Variants in STYXL2 observed in about 807,000 individuals in gnomAD.
STYXL2 encodes the protein serine/threonine/tyrosine-interacting-like protein 2.
STYXL2 carries 44 observed loss-of-function variants against 52.4 expected under a neutral mutation model. The ratio of observed to expected loss-of-function variants is 0.84; its 90% CI spans 0.66 to 1.08. The LOEUF (loss-of-function observed/expected upper bound fraction) is 1.08. STYXL2 is among the 50% of genes least tolerant of loss of function. The probability of loss-of-function intolerance (pLI) is 0.00; values close to 1 mark genes in which losing one functional copy is unlikely to be tolerated. For missense variants in STYXL2, 1,604 were observed against 1,471.7 expected, an observed-to-expected ratio of 1.09 and a Z score of -1.47; for synonymous variants, 604 against 586.9, an observed-to-expected ratio of 1.03 and a Z score of -0.42.
rs1668011859 is a variant in STYXL2 at position 167,127,954 on chromosome 1, C to T, written c.2823C>T (p.Gly941=). Residue 941 remains glycine (G), a synonymous_variant, in exon 6 of 6, where the codon GGC becomes GGT. Coordinates refer to ENST00000361200, the MANE Select transcript of STYXL2 (RefSeq NM_001080426.3). ...MDSSINKWLS[G]LRTEEKPPFQ... is the part of the protein sequence containing the mutation. ...GCAGTATTAATAAGTGGCTCAGTGG[C>T]CTCAGGACGGAGGAAAAACCTCCTT... 2 of 1,614,012 alleles carry T rather than the reference C, an allele frequency of 1.2e-6. No homozygotes were observed. Among genetic ancestry groups the T allele is most frequent in the African/African-American group, 1.3e-5 (1 of 74,902 alleles).
intron 5 of STYXL2, among the ~76,000 whole-genome samples, chr1:167,122,211 C>T (rs1343085475): frequency 2.4e-4 from 36 of 151,884 alleles, no homozygotes; most frequent in Middle Eastern, 3.2e-3. Flanking sequence ...CCTTCACAAG[C>T]AGCAAAGGCA....
chr1:167,105,288 TG>T (rs1270339478), intron 2 of STYXL2, among the ~76,000 whole-genome samples: 1 of 152,232 alleles, frequency 6.6e-6, no homozygotes, highest in Admixed American at 6.5e-5. Context: ...TAAAGCAAGC[TG>T]CACCACTCTC....
At position 167,128,111 on chromosome 1, in the gene STYXL2, C is replaced by T. The variant is rs1180494141; in HGVS notation, c.2980C>T (p.His994Tyr). Residue 994 changes from histidine to tyrosine, a missense_variant, in exon 6 of 6, where the codon CAC becomes TAC. By Grantham distance (83) the His-to-Tyr change is moderately conservative (BLOSUM62 2). Transcript: ENST00000361200. ...QSEEQDTSSY[H>Y]EANGNSVRST... ...AGAGGAACAGGACACCTCCTCCTAC[C>T]ACGAGGCAAATGGCAACTCTGTAAG... 3.1e-6 allele frequency: 5 copies of T among 1,614,206 alleles called. No homozygotes were observed. In the South Asian group the frequency reaches 5.5e-5, roughly 18 times the overall value.
At chr1:167,099,670 C>T (rs1667362012) in intron 2 of STYXL2, among the ~76,000 whole-genome samples, 1 of 152,170 alleles carries the variant, frequency 6.6e-6, no homozygotes, top group African/African-American at 2.4e-5. Context: ...CTATTCATTG[C>T]TGGTGAGAGT....
intron 2 of STYXL2, among the ~76,000 whole-genome samples, chr1:167,107,178 C>T (rs141036840): frequency 2.2e-4 from 34 of 152,206 alleles, no homozygotes; most frequent in Non-Finnish European, 3.4e-4. Context: ...TGGGGGTAGT[C>T]GGACTTCTTA....
Position 167,127,108 on chromosome 1 carries a change from G to C in STYXL2, c.1977G>C (p.Leu659=). The change falls in exon 6 of 6, where the codon CTG becomes CTC. Residue 659 remains leucine (L), a synonymous_variant. Coordinates refer to ENST00000361200, the MANE Select transcript of STYXL2 (RefSeq NM_001080426.3). ...DSSTASGSIP[L]SAFWSADPSV... is the part of the protein sequence containing the mutation. ...CCACGGCCAGCGGGAGCATTCCCCT[G>C]TCTGCGTTCTGGTCTGCAGACCCCT... 1 of 1,613,992 alleles carries C rather than the reference G, an allele frequency of 6.2e-7. No individual in the cohort carries two copies. Among genetic ancestry groups the C allele is most frequent in the African/African-American group, 1.3e-5 (1 of 75,042 alleles).
intron 3 of STYXL2, among the ~76,000 whole-genome samples, chr1:167,115,617 G>A (rs577982830): frequency 2.6e-5 from 4 of 152,292 alleles, no homozygotes; most frequent in African/African-American, 9.6e-5. Context: ...CTTTTTATAT[G>A]TAGTAAGGGA....
At chr1:167,124,927 C>G (rs1169132503) in intron 5 of STYXL2, among the ~76,000 whole-genome samples, 2 of 145,854 alleles carry the variant, frequency 1.4e-5, no homozygotes, top group Non-Finnish European at 3.0e-5. Context: ...TATCTTGCTC[C>G]ATCCTGAGTA....
rs1667864779 is a variant in STYXL2 at position 167,121,918 on chromosome 1, A to AGAGTTC, written c.655+2454_655+2459dup. On this transcript the variant is annotated intron_variant, in intron 5 of 5. Transcript: ENST00000361200. ...GTGGGTCCTTCCTACTCCACTACAG[A>AGAGTTC]GAGTTCGTGGCATCCCTAGAATTAC... 3.3e-5 allele frequency among the ~76,000 whole-genome samples: 5 copies of AGAGTTC among 152,110 alleles called. No individual in the cohort carries two copies. In the South Asian group the frequency reaches 1.0e-3, roughly 32 times the overall value.
intron 2 of STYXL2, among the ~76,000 whole-genome samples, chr1:167,102,772 G>A (rs1667427975): frequency 6.6e-6 from 1 of 152,162 alleles, no homozygotes; most frequent in Non-Finnish European, 1.5e-5. Flanking sequence ...ATAAGTGCCT[G>A]AAATTCCATC....
rs746033132 is a variant in STYXL2 at position 167,126,030 on chromosome 1, G to A, written c.899G>A (p.Gly300Asp). 5.0e-6 allele frequency: 8 copies of A among 1,593,408 alleles called. No homozygotes were observed. In the African/African-American group the frequency reaches 8.1e-5, roughly 16 times the overall value. Reference protein sequence around the residue: ...GGSAEAEEGEGTGSMLGARVH... With the variant: ...GGSAEAEEGEDTGSMLGARVH... ...TCAGCTGAGGCTGAGGAGGGCGAGG[G>A]CACTGGGAGCATGCTCGGGGCCAGA... Residue 300 changes from glycine to aspartate, a missense_variant, in exon 6 of 6, where the codon GGC becomes GAC. By Grantham distance (94) the Gly-to-Asp change is moderately conservative (BLOSUM62 -1). Transcript: ENST00000361200.
intron 2 of STYXL2, among the ~76,000 whole-genome samples, chr1:167,105,323 C>G (rs1334495850): frequency 6.6e-6 from 1 of 152,234 alleles, no homozygotes; most frequent in East Asian, 1.9e-4. Flanking sequence ...GGAAGTCCAT[C>G]AAACTCCCCT....
rs77478207 is a variant in STYXL2 at position 167,107,908 on chromosome 1, A to T, written c.111-5802A>T. ...GAAGGGACGATTGAACTAAAATCTGAAAAATGAGGGAAGCAGGAGAGGACT... is the reference window on the plus strand; with the variant it reads ...GAAGGGACGATTGAACTAAAATCTGTAAAATGAGGGAAGCAGGAGAGGACT... On this transcript the variant is annotated intron_variant, in intron 2 of 5. Coordinates refer to ENST00000361200, the MANE Select transcript of STYXL2 (RefSeq NM_001080426.3). 8.2e-3 allele frequency among the ~76,000 whole-genome samples: 1,249 copies of T among 152,318 alleles called. 6 individuals are homozygous for T. Among genetic ancestry groups the T allele is most frequent in the Middle Eastern group, 0.017 (5 of 294 alleles).
chr1:167,095,905 G>T (rs1269008695), intron 2 of STYXL2, among the ~76,000 whole-genome samples: 1 of 152,084 alleles, frequency 6.6e-6, no homozygotes, highest in Non-Finnish European at 1.5e-5. Flanking sequence ...GTGTCAAAAG[G>T]CTTCCCCAGT....
chr1:167,125,999 G>A lies in STYXL2; in HGVS notation c.868G>A (p.Gly290Arg), dbSNP rs757112515. 3.1e-6 allele frequency: 5 copies of A among 1,610,846 alleles called. No individual in the cohort carries two copies. In the South Asian group the frequency reaches 5.5e-5, roughly 18 times the overall value. Residue 290 changes from glycine to arginine, a missense_variant, in exon 6 of 6, where the codon GGG (glycine) becomes AGG (arginine). Gly to Arg is a moderately radical substitution (Grantham distance 125). Coordinates refer to ENST00000361200, the MANE Select transcript of STYXL2 (RefSeq NM_001080426.3). Reference protein sequence around the residue: ...EEREEDYGREGGSAEAEEGEG... With the variant: ...EEREEDYGRERGSAEAEEGEG... ...GAGAGAAGAGGACTATGGCCGGGAGGGGGGATCAGCTGAGGCTGAGGAGGG... is the reference window on the plus strand; with the variant it reads ...GAGAGAAGAGGACTATGGCCGGGAGAGGGGATCAGCTGAGGCTGAGGAGGG...
At chr1:167,101,193 A>G (rs1667396029) in intron 2 of STYXL2, among the ~76,000 whole-genome samples, 2 of 152,244 alleles carry the variant, frequency 1.3e-5, no homozygotes, top group South Asian at 4.1e-4. Context: ...ACCAAAAATG[A>G]TATGTGGATG....
chr1:167,126,364 G>A lies in STYXL2; in HGVS notation c.1233G>A (p.Trp411Ter). 6.5e-7 allele frequency: 1 copy of A among 1,545,138 alleles called. No homozygotes were observed. Among genetic ancestry groups the A allele is most frequent in the East Asian group, 2.4e-5 (1 of 41,228 alleles). Residue 411 changes from tryptophan (W) to a stop codon, truncating the protein, a stop_gained, in exon 6 of 6, where the codon TGG becomes TGA. Transcript: ENST00000361200. LOFTEE classifies it low-confidence loss of function (END_TRUNC). ...ACCAAGCAGAAGGGTACCGGAGGTG[G>A]GGAAGGGAGGAGGAGAAGGAGGAGG... ...ERYQAEGYRR[W>*]GREEEKEEES...
intron 5 of STYXL2, among the ~76,000 whole-genome samples, chr1:167,120,152 T>C (rs1164078400): frequency 2.0e-5 from 3 of 152,092 alleles, no homozygotes; most frequent in Admixed American, 2.0e-4. Context: ...GTTGGGAAGG[T>C]AGAGAGTAGT....
At chr1:167,098,121 C>T (rs1667331801) in intron 2 of STYXL2, among the ~76,000 whole-genome samples, 1 of 147,030 alleles carries the variant, frequency 6.8e-6, no homozygotes, top group Admixed American at 7.0e-5. Context: ...AAGTGAGTTT[C>T]CTGCCTCAGC....
Sources: allele counts gnomAD v4.1 joint callset (sites outside exome capture counted in the v4.1 genomes callset), GRCh38; gene constraint gnomAD v4.1.1; transcripts MANE v1.5; gene names NCBI Gene and HGNC (gene_info 2026-07-23, HGNC 2026-07-21).